TAFA4: variants seen among roughly 807,000 people sequenced by gnomAD.
TAFA4 encodes TAFA chemokine like family member 4.
A neutral mutation model predicts 21.1 loss-of-function variants in TAFA4; 20 were observed. The observed-to-expected ratio is 0.95, with a 90% CI of 0.67 to 1.38. TAFA4 has a LOEUF of 1.38. TAFA4 is among the 40% of genes most tolerant of loss of function. TAFA4 has a pLI of 0.00. For missense variants in TAFA4, 211 were observed against 180.9 expected (o/e 1.17, Z -0.95); for synonymous variants, 71 against 67.4 (o/e 1.05, Z -0.26).
intron 3 of TAFA4, among the ~76,000 whole-genome samples, chr3:68,865,328 A>G (rs1440269182): frequency 2.0e-5 from 3 of 151,628 alleles, no homozygotes; most frequent in Non-Finnish European, 4.4e-5. Context: ...TTTGGCTTTG[A>G]CCCCACCCAA....
intron 3 of TAFA4, among the ~76,000 whole-genome samples, chr3:68,795,660 A>T (rs540271235): frequency 6.6e-6 from 1 of 152,306 alleles, no homozygotes; most frequent in South Asian, 2.1e-4. Flanking sequence ...CAAAATCCAG[A>T]GGAAAGTAGA....
chr3:68,780,030 G>A (rs1362890373), intron 3 of TAFA4, among the ~76,000 whole-genome samples: 1 of 152,234 alleles, frequency 6.6e-6, no homozygotes, highest in Non-Finnish European at 1.5e-5. Flanking sequence ...TGACCTTGAT[G>A]TGAGACATGG....
At chr3:68,845,891 G>A (rs1017529100) in intron 3 of TAFA4, among the ~76,000 whole-genome samples, 1 of 152,206 alleles carries the variant, frequency 6.6e-6, no homozygotes, top group African/African-American at 2.4e-5. Flanking sequence ...TCCGCTGTTA[G>A]TCTGATGGTC....
At chr3:68,884,928 C>G (rs936323293) in intron 2 of TAFA4, among the ~76,000 whole-genome samples, 4 of 152,200 alleles carry the variant, frequency 2.6e-5, no homozygotes, top group Non-Finnish European at 5.9e-5. Flanking sequence ...GAAAGCTCTT[C>G]AGCAATAGAT....
chr3:68,752,329 T>G (rs1221649911), intron 4 of TAFA4, among the ~76,000 whole-genome samples: 2 of 152,210 alleles, frequency 1.3e-5, no homozygotes, highest in Non-Finnish European at 2.9e-5. Context: ...CATATATATT[T>G]TTTAACTATT....
chr3:68,896,927 G>A (rs142274142), intron 1 of TAFA4, among the ~76,000 whole-genome samples: 3 of 152,282 alleles, frequency 2.0e-5, no homozygotes, highest in South Asian at 2.1e-4. Context: ...TTATTGAGAC[G>A]AAGTCTCAGT....
intron 3 of TAFA4, among the ~76,000 whole-genome samples, chr3:68,817,008 T>TAA (rs1208136929): frequency 1.3e-5 from 2 of 152,200 alleles, no homozygotes; most frequent in African/African-American, 4.8e-5. Flanking sequence ...GGCAATTTCT[T>TAA]AAAGTAAGAC....
At chr3:68,799,753 C>CGTGTCTCCCCTACAGCAG (rs147872340) in intron 3 of TAFA4, among the ~76,000 whole-genome samples, 4 of 151,790 alleles carry the variant, frequency 2.6e-5, no homozygotes, top group Non-Finnish European at 4.4e-5. Flanking sequence ...GCAAAGAGAT[C>CGTGTCTCCCCTACAGCAG]GTGTCTCCAA....
chr3:68,784,088 C>T (rs1322278796), intron 3 of TAFA4, among the ~76,000 whole-genome samples: 3 of 152,196 alleles, frequency 2.0e-5, no homozygotes, highest in Non-Finnish European at 4.4e-5. Flanking sequence ...AACAGAAACA[C>T]AGATTGCTTG....
At chr3:68,735,380 A>G (rs1168837016) in intron 5 of TAFA4, among the ~76,000 whole-genome samples, 1 of 152,118 alleles carries the variant, frequency 6.6e-6, no homozygotes, top group Non-Finnish European at 1.5e-5. Context: ...CAGAGAAAGC[A>G]AGGTATAAGC....
chr3:68,840,640 C>T (rs1184193067), intron 3 of TAFA4, among the ~76,000 whole-genome samples: 1 of 152,140 alleles, frequency 6.6e-6, no homozygotes, highest in African/African-American at 2.4e-5. Flanking sequence ...TACCCAAAGA[C>T]AGAAGCTGGC....
In TAFA4 at chr3:68,906,286, C is replaced by G. The variant is rs148540344; in HGVS notation, c.-122-20976G>C. 2.1e-3 allele frequency among the ~76,000 whole-genome samples: 318 copies of G among 152,286 alleles called. 1 individual carries two copies. Among genetic ancestry groups the G allele is most frequent in the African/African-American group, 7.4e-3 (308 of 41,552 alleles). On this transcript the variant is annotated intron_variant, in intron 1 of 5. Coordinates refer to ENST00000295569, the MANE Select transcript of TAFA4 (RefSeq NM_182522.5). ...AATCAGGTATTGATTACACATGTCCCTCCCTGGGCATTAGAATTGAAGACC... is the reference window on the plus strand; with the variant it reads ...AATCAGGTATTGATTACACATGTCCGTCCCTGGGCATTAGAATTGAAGACC...
At chr3:68,854,186 A>G (rs1705015703) in intron 3 of TAFA4, among the ~76,000 whole-genome samples, 1 of 152,036 alleles carries the variant, frequency 6.6e-6, no homozygotes, top group Admixed American at 6.6e-5. Flanking sequence ...AATGCAATGG[A>G]GGAATGACCA....
chr3:68,821,110 T>A (rs1704104972), intron 3 of TAFA4, among the ~76,000 whole-genome samples: 1 of 152,170 alleles, frequency 6.6e-6, no homozygotes, highest in African/African-American at 2.4e-5. Flanking sequence ...TAAAATCTTT[T>A]ACAAATTCTA....
intron 3 of TAFA4, among the ~76,000 whole-genome samples, chr3:68,858,237 G>A (rs1705114465): frequency 6.6e-6 from 1 of 152,094 alleles, no homozygotes; most frequent in Non-Finnish European, 1.5e-5. Context: ...AATGCATCGT[G>A]GAAATGCACG....
chr3:68,879,547 T>C (rs528982464), intron 3 of TAFA4, among the ~76,000 whole-genome samples: 1 of 152,260 alleles, frequency 6.6e-6, no homozygotes, highest in Admixed American at 6.5e-5. Flanking sequence ...CTCATAAAAA[T>C]AGGCACAGCA....
intron 1 of TAFA4, among the ~76,000 whole-genome samples, chr3:68,906,237 G>T (rs1353025262): frequency 6.6e-6 from 1 of 152,176 alleles, no homozygotes; most frequent in Non-Finnish European, 1.5e-5. Flanking sequence ...CCTGGGCGAT[G>T]ATACATTGAT....
chr3:68,911,625 T>A (rs2089962451), intron 1 of TAFA4, among the ~76,000 whole-genome samples: 2 of 152,214 alleles, frequency 1.3e-5, no homozygotes, highest in Admixed American at 1.3e-4. Flanking sequence ...GCATGGCTTA[T>A]ACCTAAATCG....
intron 3 of TAFA4, among the ~76,000 whole-genome samples, chr3:68,853,820 T>C (rs1471028260): frequency 6.6e-6 from 1 of 152,172 alleles, no homozygotes; most frequent in Non-Finnish European, 1.5e-5. Flanking sequence ...TCAACTGCTG[T>C]GTCTCAGTTG....
Sources: allele counts gnomAD v4.1 joint callset (sites outside exome capture counted in the v4.1 genomes callset), GRCh38; gene constraint gnomAD v4.1.1; transcripts MANE v1.5; gene names NCBI Gene and HGNC (gene_info 2026-07-23, HGNC 2026-07-21).